GLYR1: variants seen among roughly 807,000 people sequenced by gnomAD.
GLYR1 encodes the protein cytokine-like nuclear factor N-PAC.
GLYR1 carries 21 observed loss-of-function variants against 72.7 expected under a neutral mutation model. The observed-to-expected ratio is 0.29, with a 90% CI of 0.20 to 0.42. The LOEUF (loss-of-function observed/expected upper bound fraction) is 0.42, where lower values mean the gene tolerates loss of function less well. GLYR1 is among the 10% of genes least tolerant of loss of function. The pLI, the probability that GLYR1 is intolerant of heterozygous loss-of-function variation, is 1.00. For synonymous variants in GLYR1, 392 were observed against 270.2 expected, an observed-to-expected ratio of 1.45 and a Z score of -4.42; for missense variants, 594 against 712.1, an observed-to-expected ratio of 0.83 and a Z score of 1.89.
At position 4,821,616 on chromosome 16, in the gene GLYR1, A is replaced by G. The variant is rs2084028947; in HGVS notation, c.682-19T>C. On this transcript the variant is annotated intron_variant, in intron 7 of 15. Transcript: ENST00000321919. Reference sequence around the variant, plus strand: ...CAGCTGGCTAATGAAGGAGGAGGAAAGAGACTACTTGTGCTACTGCAGGCT... The same window carrying G: ...CAGCTGGCTAATGAAGGAGGAGGAAGGAGACTACTTGTGCTACTGCAGGCT... 1.2e-6 allele frequency: 2 copies of G among 1,612,560 alleles called. No individual in the cohort carries two copies. Among genetic ancestry groups the G allele is most frequent in the Middle Eastern group, 1.7e-4 (1 of 5,738 alleles).
At chr16:4,840,703 C>T (rs192919005) in intron 3 of GLYR1, among the ~76,000 whole-genome samples, 2 of 152,298 alleles carry the variant, frequency 1.3e-5, no homozygotes, top group East Asian at 3.9e-4. Flanking sequence ...TAGGGGGTAT[C>T]ATCCCCTTAT....
intron 3 of GLYR1, among the ~76,000 whole-genome samples, chr16:4,834,619 C>A (rs887246064): frequency 1.3e-5 from 2 of 152,112 alleles, no homozygotes; most frequent in Non-Finnish European, 2.9e-5. Context: ...GTATGCACCA[C>A]CACACCCAGC....
chr16:4,845,864 A>C (rs1224908160), intron 2 of GLYR1, among the ~76,000 whole-genome samples: 1 of 152,220 alleles, frequency 6.6e-6, no homozygotes. Flanking sequence ...TGGATAATTT[A>C]TATTTTCTTC....
intron 9 of GLYR1, chr16:4,821,145 T>C: frequency 3.5e-6 from 2 of 579,592 alleles, no homozygotes; most frequent in Non-Finnish European, 3.1e-6. Context: ...CTCCTTGCTC[T>C]TGAGTTCTGG....
intron 3 of GLYR1, among the ~76,000 whole-genome samples, chr16:4,840,563 A>G (rs1281596707): frequency 6.6e-6 from 1 of 152,032 alleles, no homozygotes; most frequent in Non-Finnish European, 1.5e-5. Flanking sequence ...TCTCTCTCCC[A>G]TAGGGAGAGT....
At chr16:4,832,387 T>A in intron 4 of GLYR1, 166 bp from the exon 5 acceptor site, 1 of 788,514 alleles carries the variant, frequency 1.3e-6, no homozygotes, top group Non-Finnish European at 2.0e-6. Flanking sequence ...GAAGCAGATT[T>A]AAAAAATATA....
intron 5 of GLYR1, among the ~76,000 whole-genome samples, chr16:4,830,705 C>T (rs2084741124): frequency 6.6e-6 from 1 of 152,212 alleles, no homozygotes; most frequent in African/African-American, 2.4e-5. Flanking sequence ...CTGACACAGT[C>T]CCCTTCACTT....
rs548610529 is a variant in GLYR1, at chr16:4,815,342, C to T, written c.907-695G>A. ...GATGGGCCTACTATTTTCTATCAGA[C>T]TTTTAATGTTGTTTATGATTCACAT... On this transcript the variant is annotated intron_variant, in intron 10 of 15. Transcript: ENST00000321919. Among the ~76,000 whole-genome samples, 6 of 152,042 alleles carry T rather than the reference C, an allele frequency of 3.9e-5. No homozygotes were observed. In the South Asian group the frequency reaches 1.2e-3, roughly 32 times the overall value.
intron 3 of GLYR1, among the ~76,000 whole-genome samples, chr16:4,838,854 T>C (rs921296276): frequency 6.6e-5 from 10 of 152,142 alleles, no homozygotes; most frequent in Middle Eastern, 3.2e-3. Flanking sequence ...TTGAAAGTTC[T>C]GGGATTACAG....
intron 3 of GLYR1, among the ~76,000 whole-genome samples, chr16:4,838,257 C>T (rs939924006): frequency 6.6e-6 from 1 of 152,146 alleles, no homozygotes; most frequent in Non-Finnish European, 1.5e-5. Flanking sequence ...TCTTCTAGAG[C>T]AGCTACTTTC....
intron 11 of GLYR1, among the ~76,000 whole-genome samples, chr16:4,814,145 T>G (rs1480127386): frequency 1.3e-5 from 2 of 152,028 alleles, no homozygotes; most frequent in Admixed American, 6.5e-5. Context: ...TTACTTGGAT[T>G]AGGCTAGTCA....
chr16:4,833,065 T>C (rs1002773059), intron 3 of GLYR1, 153 bp from the exon 4 acceptor site: 16 of 578,190 alleles, frequency 2.8e-5, no homozygotes, highest in African/African-American at 9.6e-5. Context: ...CTATCAACCA[T>C]CTCAGAGTCT....
chr16:4,805,467 C>T (rs751263005), intron 15 of GLYR1, among the ~76,000 whole-genome samples, 157 bp from the exon 16 acceptor site: 7 of 152,228 alleles, frequency 4.6e-5, no homozygotes, highest in South Asian at 2.1e-4. Context: ...GAAGCACCTC[C>T]GTTTCTCTGG....
intron 15 of GLYR1, among the ~76,000 whole-genome samples, chr16:4,806,802 T>G (rs1203738844): frequency 6.6e-6 from 1 of 150,712 alleles, no homozygotes; most frequent in Non-Finnish European, 1.5e-5. Flanking sequence ...GGAATTCTTT[T>G]TTCTTTTTTT....
At chr16:4,815,494 C>A (rs949668308) in intron 10 of GLYR1, among the ~76,000 whole-genome samples, 4 of 152,178 alleles carry the variant, frequency 2.6e-5, no homozygotes, top group Admixed American at 2.0e-4. Flanking sequence ...ACACTTAGCC[C>A]ACTTTCAATT....
intron 11 of GLYR1, 44 bp downstream of exon 11, chr16:4,814,493 T>C: frequency 6.8e-7 from 1 of 1,464,814 alleles, no homozygotes; most frequent in Non-Finnish European, 9.6e-7. Flanking sequence ...CCAGCAATCC[T>C]GGCTGTGACC....
chr16:4,809,390 A>C (rs1196801285), intron 15 of GLYR1, among the ~76,000 whole-genome samples: 1 of 151,214 alleles, frequency 6.6e-6, no homozygotes, highest in African/African-American at 2.4e-5. Flanking sequence ...AGGGGTTTCA[A>C]CATCTTGGTC....
intron 10 of GLYR1, among the ~76,000 whole-genome samples, chr16:4,816,203 G>A (rs2141968905): frequency 6.6e-6 from 1 of 152,096 alleles, no homozygotes; most frequent in East Asian, 1.9e-4. Context: ...GAATGCAGTG[G>A]TATGATCACA....
intron 3 of GLYR1, among the ~76,000 whole-genome samples, chr16:4,841,998 T>A (rs530412947): frequency 6.6e-6 from 1 of 152,068 alleles, no homozygotes; most frequent in African/African-American, 2.4e-5. Context: ...TCCCAGCACT[T>A]TGGGAGGCCG....
Sources: allele counts gnomAD v4.1 joint callset (sites outside exome capture counted in the v4.1 genomes callset), GRCh38; gene constraint gnomAD v4.1.1; transcripts MANE v1.5; gene names NCBI Gene and HGNC (gene_info 2026-07-23, HGNC 2026-07-21).